Variants in OR8B2 observed in about 807,000 individuals in gnomAD.
The protein encoded by OR8B2 is olfactory receptor family 8 subfamily B member 2, also known as olfactory receptor 8B2.
For missense variants in OR8B2, 304 were observed against 379.6 expected, an observed-to-expected ratio of 0.80 and a Z score of 1.65; for synonymous variants, 98 against 138.2, an observed-to-expected ratio of 0.71 and a Z score of 2.04.
In OR8B2 at chr11:124,382,518, A is replaced by G. The variant is rs778591486; in HGVS notation, c.826T>C (p.Phe276Leu). 3.7e-6 allele frequency: 6 copies of G among 1,613,930 alleles called. No individual in the cohort carries two copies. The highest frequency in any genetic ancestry group is 5.1e-6 in the Non-Finnish European group (6 of 1,179,952). ...AGCATGGGCACCACATTAGTGTAGA[A>G]AACAGAAGAAACTTTTCCCTGCTCC... Reference protein sequence around the residue: ...SMEQGKVSSVFYTNVVPMLNP... With the variant: ...SMEQGKVSSVLYTNVVPMLNP... The change falls in exon 2 of 2, where the codon TTC becomes CTC. Residue 276 changes from phenylalanine to leucine, a missense_variant. Physicochemically the swap from Phe to Leu is conservative, Grantham distance 22 (BLOSUM62 0). Coordinates refer to ENST00000641451, the MANE Select transcript of OR8B2 (RefSeq NM_001005468.2).
At chr11:124,388,199 C>T (rs1161614470), upstream of OR8B2, among the ~76,000 whole-genome samples, 1 of 150,832 alleles carries the variant, frequency 6.6e-6, no homozygotes, top group Non-Finnish European at 1.5e-5. Context: ...ATCATGTCAT[C>T]TGCAAACAGG....
the OR8B2 span, chr11:124,396,457 C>G: frequency 3.1e-6 from 5 of 1,613,336 alleles, no homozygotes. Context: ...TTCCTCAGTG[C>G]AACTTTGACA....
chr11:124,383,118 C>G lies in OR8B2; in HGVS notation c.226G>C (p.Val76Leu). The part of the protein sequence containing the change: ...LSFIDLCYSS[V>L]FTPKMLMNFV... The stretch of plus-strand genomic sequence containing the variant: ...TTCATTAGCATTTTGGGAGTGAAAA[C>G]AGAGGAGTAACAGAGATCAATGAAG... Residue 76 changes from valine to leucine, a missense_variant, in exon 2 of 2, where the codon GTT (valine) becomes CTT (leucine). Coordinates refer to ENST00000641451, the MANE Select transcript of OR8B2 (RefSeq NM_001005468.2). 1 of 1,613,808 alleles carries G rather than the reference C, an allele frequency of 6.2e-7. No individual in the cohort carries two copies. The highest frequency in any genetic ancestry group is 8.5e-7 in the Non-Finnish European group (1 of 1,179,804).
chr11:124,391,108 TAACTA>T, the OR8B2 span, among the ~76,000 whole-genome samples: 1 of 152,162 alleles, frequency 6.6e-6, no homozygotes, highest in Non-Finnish European at 1.5e-5. Flanking sequence ...CCTGTCTTTA[TAACTA>T]AACTAATCTG....
chr11:124,394,329 G>T, the OR8B2 span, among the ~76,000 whole-genome samples: 17 of 151,770 alleles, frequency 1.1e-4, no homozygotes, highest in African/African-American at 3.1e-4. Context: ...GTCATTTAGG[G>T]TCCCCTTAGA....
the OR8B2 span, chr11:124,396,738 A>G: frequency 4.1e-4 from 658 of 1,613,476 alleles, 3 homozygotes; most frequent in African/African-American, 6.0e-3. Flanking sequence ...CATGATATTA[A>G]TACCCACAAC....
At chr11:124,385,446 A>G (rs1281429568), upstream of OR8B2, among the ~76,000 whole-genome samples, 1 of 152,060 alleles carries the variant, frequency 6.6e-6, no homozygotes, top group Non-Finnish European at 1.5e-5. Context: ...ACATAGGTTC[A>G]ATAATGTTAA....
At chr11:124,387,318 C>T (rs1228306631), upstream of OR8B2, among the ~76,000 whole-genome samples, 3 of 152,228 alleles carry the variant, frequency 2.0e-5, no homozygotes, top group African/African-American at 7.2e-5. Flanking sequence ...GTGTTTTAGA[C>T]ATGAAGTCCT....
chr11:124,386,414 C>G (rs1304237383), upstream of OR8B2, among the ~76,000 whole-genome samples: 16 of 110,882 alleles, frequency 1.4e-4, no homozygotes, highest in Admixed American at 1.3e-3. Context: ...CCCCTCCCCC[C>G]ACCCCACAAC....
At chr11:124,388,722 C>T (rs1860738227), upstream of OR8B2, among the ~76,000 whole-genome samples, 1 of 152,098 alleles carries the variant, frequency 6.6e-6, no homozygotes, top group Non-Finnish European at 1.5e-5. Flanking sequence ...AGAAAGTAGG[C>T]CCTGCCCATA....
chr11:124,386,607 G>A (rs61911142), upstream of OR8B2, among the ~76,000 whole-genome samples: 47,297 of 147,702 alleles, frequency 0.32, 7,650 homozygotes, highest in African/African-American at 0.39. Flanking sequence ...TTATGGCTGC[G>A]TAGTATTCCA....
chr11:124,394,005 A>C, the OR8B2 span, among the ~76,000 whole-genome samples: 5 of 150,330 alleles, frequency 3.3e-5, no homozygotes, highest in Non-Finnish European at 7.4e-5. Flanking sequence ...TATCGCAAGA[A>C]CAAAAAACCA....
chr11:124,394,645 C>T, the OR8B2 span, among the ~76,000 whole-genome samples: 2 of 152,096 alleles, frequency 1.3e-5, no homozygotes, highest in East Asian at 3.9e-4. Flanking sequence ...GTCATTGGCT[C>T]AGGACATCTC....
At chr11:124,393,330 C>T in the OR8B2 span, among the ~76,000 whole-genome samples, 3 of 147,656 alleles carry the variant, frequency 2.0e-5, no homozygotes, top group Non-Finnish European at 4.4e-5. Flanking sequence ...AACAGGCAAC[C>T]TACAAAATGG....
rs201826244 is a variant in OR8B2, at chr11:124,382,676, G to C, written c.668C>G (p.Thr223Ser). 1.1e-5 allele frequency: 17 copies of C among 1,613,618 alleles called. No homozygotes were observed. The highest frequency in any genetic ancestry group is 1.4e-5 in the Non-Finnish European group (17 of 1,179,816). The change falls in exon 2 of 2, where the codon ACT (threonine) becomes AGT (serine). Residue 223 changes from threonine to serine, a missense_variant. Thr to Ser is a moderately conservative substitution (Grantham distance 58). Transcript: ENST00000641451. ...AGTGGATTTGATATGAAGAATGCTAGTGACAATGAAAACATAAGAAATGAG... is the reference window on the plus strand; with the variant it reads ...AGTGGATTTGATATGAAGAATGCTACTGACAATGAAAACATAAGAAATGAG... ...TILISYVFIV[T>S]SILHIKSTQG...
chr11:124,388,440 G>C (rs1591432322), upstream of OR8B2, among the ~76,000 whole-genome samples: 1 of 152,106 alleles, frequency 6.6e-6, no homozygotes, highest in East Asian at 1.9e-4. Context: ...TTTGGGCAAA[G>C]AATACAGACA....
At chr11:124,397,108 G>A in the OR8B2 span, 4 of 1,613,652 alleles carry the variant, frequency 2.5e-6, no homozygotes, top group South Asian at 3.3e-5. Context: ...AAGTTCATTA[G>A]CATTTTGGGA....
rs375477922 is a variant in OR8B2 at position 124,382,711 on chromosome 11, A to G, written c.633T>C (p.Ser211=). 74 of 1,613,814 alleles carry G rather than the reference A, an allele frequency of 4.6e-5. No individual in the cohort carries two copies. The highest frequency in any genetic ancestry group is 5.8e-5 in the Non-Finnish European group (68 of 1,179,862). Residue 211 remains serine (S), a synonymous_variant, in exon 2 of 2, where the codon AGT becomes AGC. Coordinates refer to ENST00000641451, the MANE Select transcript of OR8B2 (RefSeq NM_001005468.2). ...AAACATAAGAAATGAGGATGGTACA[A>G]CTGGGTACCGTGATATTAGTACCCA... The part of the protein sequence containing the change: ...IVVGTNITVP[S]CTILISYVFI...
Position 124,382,981 on chromosome 11 carries a change from A to G in OR8B2, c.363T>C (p.Asp121=), listed in dbSNP as rs1860624469. 10 of 1,613,124 alleles carry G rather than the reference A, an allele frequency of 6.2e-6. No homozygotes were observed. Among genetic ancestry groups the G allele is most frequent in the Non-Finnish European group, 6.8e-6 (8 of 1,179,274 alleles). Residue 121 remains aspartate (D), a synonymous_variant, in exon 2 of 2, where the codon GAT becomes GAC. Transcript: ENST00000641451. ...ECYMLTSMAY[D]RYVAICNPLL... ...ATGGATTACAGATGGCCACATAGCG[A>G]TCATATGCCATTGAAGTCAACATGT...
Sources: gnomAD v4.1 joint callset for allele counts (sites outside exome capture counted in the v4.1 genomes callset) on GRCh38, gnomAD v4.1.1 for gene constraint, MANE v1.5 for transcripts, NCBI Gene and HGNC (gene_info 2026-07-23, HGNC 2026-07-21) for gene names.